CALCR: variants seen among roughly 807,000 people sequenced by gnomAD.
The protein encoded by CALCR is calcitonin receptor.
Under a neutral mutation model 59.5 loss-of-function variants are expected in CALCR, and 47 were observed. The observed-to-expected ratio is 0.79, with a 90% CI of 0.63 to 1.01. The LOEUF is 1.01. Among genes scored for constraint, CALCR ranks in the 50% least tolerant of loss-of-function variants. The pLI is 0.00. For synonymous variants in CALCR, 213 were observed against 211.3 expected, an observed-to-expected ratio of 1.01 and a Z score of -0.07; for missense variants, 566 against 597.1, an observed-to-expected ratio of 0.95 and a Z score of 0.54.
chr7:93,563,040 C>T (rs924483749), intron 2 of CALCR, among the ~76,000 whole-genome samples: 2 of 152,074 alleles, frequency 1.3e-5, no homozygotes, highest in African/African-American at 4.8e-5. Context: ...ATAAAAGTCA[C>T]TTGCAAAAGG....
At chr7:93,513,039 C>T (rs955049391) in intron 2 of CALCR, among the ~76,000 whole-genome samples, 6 of 152,150 alleles carry the variant, frequency 3.9e-5, no homozygotes, top group Non-Finnish European at 7.4e-5. Context: ...TAACATTCTC[C>T]TAATACATGT....
chr7:93,487,075 T>A (rs923314475), intron 2 of CALCR, 68 bp from the exon 3 acceptor site: 1 of 800,214 alleles, frequency 1.2e-6, no homozygotes, highest in Non-Finnish European at 2.0e-6. Flanking sequence ...GGCATTTCAT[T>A]TTCATTTTTT....
chr7:93,425,824 C>T lies in CALCR; in HGVS notation c.*532G>A, dbSNP rs1261288787. On this transcript the variant is annotated 3_prime_UTR_variant, in exon 14 of 14. Transcript: ENST00000426151. ...TACTAATCTCTCTATTAGAAAGCCGCTTTGTCTTGCAGAGGTCACGTAGTT... is the reference window on the plus strand; with the variant it reads ...TACTAATCTCTCTATTAGAAAGCCGTTTTGTCTTGCAGAGGTCACGTAGTT... 1 of 152,194 alleles carries T rather than the reference C, an allele frequency of 6.6e-6. No homozygotes were observed. Among genetic ancestry groups the T allele is most frequent in the Non-Finnish European group, 1.5e-5 (1 of 68,050 alleles). The allele number at this position is 152,194 out of a possible 1,614,324, so 9.4% of individuals were successfully genotyped here. A position where few individuals can be genotyped will look rare whatever the true frequency, so the allele number is the denominator to read the frequency against.
At chr7:93,437,932 T>C (rs1236554749) in intron 11 of CALCR, 128 bp downstream of exon 11, 1 of 884,008 alleles carries the variant, frequency 1.1e-6, no homozygotes, top group East Asian at 2.7e-5. Context: ...TGCTTTTTTT[T>C]ACTACAGAAT....
At chr7:93,528,768 A>T (rs148352947) in intron 2 of CALCR, among the ~76,000 whole-genome samples, 1,822 of 152,308 alleles carry the variant, frequency 0.012, 132 homozygotes, top group Admixed American at 0.1. Context: ...CCTAAAGTTG[A>T]AGTTCCATAA....
intron 2 of CALCR, among the ~76,000 whole-genome samples, chr7:93,504,970 A>G (rs1196630035): frequency 6.6e-6 from 1 of 152,142 alleles, no homozygotes; most frequent in Non-Finnish European, 1.5e-5. Context: ...GAGCTTTTAT[A>G]GTATAAGCAG....
intron 2 of CALCR, among the ~76,000 whole-genome samples, chr7:93,535,504 C>T (rs371540212): frequency 1.3e-5 from 2 of 151,662 alleles, no homozygotes; most frequent in East Asian, 1.9e-4. Flanking sequence ...ATGCTAAAGT[C>T]TTATGAACTG....
intron 8 of CALCR, among the ~76,000 whole-genome samples, chr7:93,447,415 A>G (rs932035816): frequency 6.6e-6 from 1 of 152,056 alleles, no homozygotes; most frequent in African/African-American, 2.4e-5. Flanking sequence ...GATAGCAAAG[A>G]GTGCCTCCAA....
At chr7:93,515,337 T>C (rs183171295) in intron 2 of CALCR, among the ~76,000 whole-genome samples, 24 of 152,108 alleles carry the variant, frequency 1.6e-4, no homozygotes, top group Non-Finnish European at 1.5e-5. Flanking sequence ...CTAGGCATCA[T>C]CAGTTGCTAT....
chr7:93,484,618 C>T (rs902087379), intron 3 of CALCR, among the ~76,000 whole-genome samples: 2 of 151,762 alleles, frequency 1.3e-5, no homozygotes, highest in Non-Finnish European at 2.9e-5. Flanking sequence ...CCCTGGTTTT[C>T]CCAGGTAAGA....
chr7:93,479,078 C>T (rs940214732), intron 4 of CALCR, among the ~76,000 whole-genome samples: 5 of 151,820 alleles, frequency 3.3e-5, no homozygotes, highest in East Asian at 1.9e-4. Context: ...CTCCCTCACT[C>T]GGTCCTTTAC....
chr7:93,545,479 A>C (rs2116204283), intron 2 of CALCR, among the ~76,000 whole-genome samples: 1 of 152,262 alleles, frequency 6.6e-6, no homozygotes, highest in African/African-American at 2.4e-5. Flanking sequence ...GTTGAATTAA[A>C]AGATCCAGGT....
chr7:93,495,902 G>T, intron 2 of CALCR: 2 of 1,531,052 alleles, frequency 1.3e-6, no homozygotes, highest in Non-Finnish European at 1.7e-6. Context: ...ATGGGCACTT[G>T]CCACTAATCT....
chr7:93,517,078 G>A (rs1801665316), intron 2 of CALCR, among the ~76,000 whole-genome samples: 1 of 151,778 alleles, frequency 6.6e-6, no homozygotes, highest in Non-Finnish European at 1.5e-5. Flanking sequence ...AGGATGTCAT[G>A]ATTAACCACT....
chr7:93,444,901 C>T (rs1376733819), intron 8 of CALCR, among the ~76,000 whole-genome samples: 1 of 152,084 alleles, frequency 6.6e-6, no homozygotes, highest in Non-Finnish European at 1.5e-5. Context: ...CATGAAGTGA[C>T]TTTCAGTACT....
chr7:93,452,450 A>G (rs895849989), intron 8 of CALCR, among the ~76,000 whole-genome samples: 2 of 152,058 alleles, frequency 1.3e-5, no homozygotes, highest in African/African-American at 4.8e-5. Context: ...CAACCTGTAC[A>G]GTCTTTAAAG....
intron 2 of CALCR, among the ~76,000 whole-genome samples, chr7:93,572,526 C>T (rs984605803): frequency 1.3e-5 from 2 of 152,138 alleles, no homozygotes; most frequent in African/African-American, 4.8e-5. Context: ...TCATTGAAAC[C>T]ATTACCGGTC....
At chr7:93,460,696 C>A in intron 8 of CALCR, 125 bp downstream of exon 8, 1 of 559,014 alleles carries the variant, frequency 1.8e-6, no homozygotes, top group Non-Finnish European at 2.8e-6. Context: ...CAAAACTCGA[C>A]GGTAGAAGTA....
chr7:93,546,761 A>C (rs1403473889), intron 2 of CALCR, among the ~76,000 whole-genome samples: 1 of 150,848 alleles, frequency 6.6e-6, no homozygotes, highest in African/African-American at 2.4e-5. Flanking sequence ...TGGTTTTGCC[A>C]TGTTGCCCAG....
Sources: gnomAD v4.1 joint callset for allele counts (sites outside exome capture counted in the v4.1 genomes callset) on GRCh38, gnomAD v4.1.1 for gene constraint, MANE v1.5 for transcripts, NCBI Gene and HGNC (gene_info 2026-07-23, HGNC 2026-07-21) for gene names.